The following SRGAP3 variants were observed in gnomAD, a reference collection of about 807,000 sequenced individuals.
The protein encoded by SRGAP3 is SLIT-ROBO Rho GTPase-activating protein 3.
SRGAP3 carries 39 observed loss-of-function variants against 121.1 expected under a neutral mutation model. That is an observed-to-expected ratio of 0.32 (90% CI 0.25 to 0.42). SRGAP3 has a LOEUF of 0.42. SRGAP3 is among the 10% of genes least tolerant of loss of function. The pLI is 1.00. For missense variants in SRGAP3, 1,213 were observed against 1,470.6 expected (o/e 0.82, Z 2.86); for synonymous variants, 601 against 570.0 (o/e 1.05, Z -0.77).
At chr3:9,119,769 A>G (rs1948935300) in intron 2 of SRGAP3, among the ~76,000 whole-genome samples, 1 of 152,240 alleles carries the variant, frequency 6.6e-6, no homozygotes, top group Non-Finnish European at 1.5e-5. Context: ...CGGCTGAAGC[A>G]GGAGGCCCTG....
At chr3:9,084,542 C>T (rs928738963) in intron 3 of SRGAP3, among the ~76,000 whole-genome samples, 4 of 152,152 alleles carry the variant, frequency 2.6e-5, no homozygotes, top group Non-Finnish European at 4.4e-5. Context: ...GGACTGAAGA[C>T]CCACAGCCTG....
intron 1 of SRGAP3, among the ~76,000 whole-genome samples, chr3:9,179,634 A>C (rs1393677584): frequency 6.6e-6 from 1 of 152,230 alleles, no homozygotes; most frequent in Admixed American, 6.5e-5. Flanking sequence ...ACTCTCCTGA[A>C]GGCTTTGCTT....
intron 3 of SRGAP3, among the ~76,000 whole-genome samples, chr3:9,083,018 G>T (rs528990325): frequency 6.6e-6 from 1 of 152,104 alleles, no homozygotes; most frequent in East Asian, 1.9e-4. Flanking sequence ...GAGCTCACTG[G>T]GGACCTTCAA....
chr3:9,319,040 G>T (rs1955398354), intron 3 of SRGAP3, among the ~76,000 whole-genome samples: 1 of 151,730 alleles, frequency 6.6e-6, no homozygotes, highest in African/African-American at 2.4e-5. Flanking sequence ...TGCTTAAAAG[G>T]GGAAAAAATA....
chr3:8,987,567 A>C (rs34680002), intron 21 of SRGAP3, among the ~76,000 whole-genome samples: 18,623 of 152,156 alleles, frequency 0.12, 3,238 homozygotes, highest in African/African-American at 0.38. Flanking sequence ...GCCCTAGGCC[A>C]CATGGCAGGC....
rs141061378 is a variant in SRGAP3 at position 9,168,494 on chromosome 3, C to T, written c.68-43577G>A. Among the ~76,000 whole-genome samples the T allele has an allele frequency of 2.6e-5, 4 of 152,356 alleles. No homozygotes were observed. In the East Asian group the frequency reaches 7.7e-4, roughly 29 times the overall value. On this transcript the variant is annotated intron_variant, in intron 1 of 21. Transcript: ENST00000383836. ...TCACGCATGAGCAGGATGTGCAGTT[C>T]CTGCAGCTGGTTTCAGAATGAATCC...
chr3:9,146,163 T>C (rs188575069), intron 1 of SRGAP3, among the ~76,000 whole-genome samples: 2 of 152,358 alleles, frequency 1.3e-5, no homozygotes, highest in Admixed American at 6.5e-5. Context: ...CTAAGACTTA[T>C]CAATCGAGCT....
chr3:9,094,283 C>T (rs1178811562), intron 3 of SRGAP3, among the ~76,000 whole-genome samples: 6 of 152,160 alleles, frequency 3.9e-5, no homozygotes, highest in Non-Finnish European at 5.9e-5. Flanking sequence ...AAGCTTTATT[C>T]ACATTGATAC....
At chr3:9,020,790 C>T (rs1350522035) in intron 14 of SRGAP3, among the ~76,000 whole-genome samples, 7 of 152,202 alleles carry the variant, frequency 4.6e-5, no homozygotes, top group African/African-American at 1.4e-4. Context: ...CTGTGAATGA[C>T]GGCTTTCTCC....
chr3:9,151,802 G>A (rs571264096), intron 1 of SRGAP3, among the ~76,000 whole-genome samples: 2 of 152,348 alleles, frequency 1.3e-5, no homozygotes, highest in African/African-American at 2.4e-5. Flanking sequence ...GAGAGCCGAA[G>A]TAAGGAAAGG....
intron 3 of SRGAP3, among the ~76,000 whole-genome samples, chr3:9,316,654 CA>C (rs1261597414): frequency 6.6e-6 from 1 of 151,320 alleles, no homozygotes; most frequent in Non-Finnish European, 1.5e-5. Context: ...GACTCCATCT[CA>C]AAAACAAAAA....
At chr3:8,991,311 G>C (rs1482426671) in intron 20 of SRGAP3, among the ~76,000 whole-genome samples, 1 of 152,140 alleles carries the variant, frequency 6.6e-6, no homozygotes, top group Non-Finnish European at 1.5e-5. Flanking sequence ...GGGTCCCCTG[G>C]GAACTGAAGA....
intron 15 of SRGAP3, 80 bp from the exon 16 acceptor site, chr3:9,013,922 A>T: frequency 7.5e-7 from 1 of 1,331,414 alleles, no homozygotes; most frequent in Non-Finnish European, 1.1e-6. Flanking sequence ...CACATCTCCT[A>T]TATCAACCCA....
At chr3:9,043,063 TC>T (rs1194533920) in intron 10 of SRGAP3, among the ~76,000 whole-genome samples, 4 of 151,870 alleles carry the variant, frequency 2.6e-5, no homozygotes, top group Non-Finnish European at 5.9e-5. Flanking sequence ...CTAAAGCAGG[TC>T]CCCCCCATCT....
chr3:9,066,825 G>A (rs1254393058), intron 4 of SRGAP3, among the ~76,000 whole-genome samples: 1 of 152,164 alleles, frequency 6.6e-6, no homozygotes, highest in Non-Finnish European at 1.5e-5. Flanking sequence ...TTAAATCACA[G>A]CATTGATTCA....
Position 9,208,190 on chromosome 3 carries a change from G to A in SRGAP3, c.67+40695C>T, listed in dbSNP as rs895800425. ...TATGTCCACCCTTTCCCAGACCCCC[G>A]AGATGTTTATGGGTTTTGACCATAT... On this transcript the variant is annotated intron_variant, in intron 1 of 21. Coordinates refer to ENST00000383836, the MANE Select transcript of SRGAP3 (RefSeq NM_014850.4). Among the ~76,000 whole-genome samples, 10 of 152,148 alleles carry A rather than the reference G, an allele frequency of 6.6e-5. No homozygotes were observed. In the East Asian group the frequency reaches 1.2e-3, roughly 18 times the overall value.
At position 9,137,953 on chromosome 3, in the gene SRGAP3, A is replaced by T. The variant is rs375165045; in HGVS notation, c.68-13036T>A. 2.6e-5 allele frequency among the ~76,000 whole-genome samples: 4 copies of T among 152,234 alleles called. No individual in the cohort carries two copies. In the East Asian group the frequency reaches 5.8e-4, roughly 22 times the overall value. On this transcript the variant is annotated intron_variant, in intron 1 of 21. Transcript: ENST00000383836. Reference sequence around the variant, plus strand: ...TGATCAATTTCAACACGAGATTAATATTCACGGTTTTGCTGCCCAATGGTC... The same window carrying T: ...TGATCAATTTCAACACGAGATTAATTTTCACGGTTTTGCTGCCCAATGGTC...
rs577710097 is a variant in SRGAP3 at position 9,340,859 on chromosome 3, A to T, written n.215-10263T>A. ...GAGACAATGGGGCCACTAAAAGAAAATCACCGTGAATGAAGGAGTCTGGCA... is the reference window on the plus strand; with the variant it reads ...GAGACAATGGGGCCACTAAAAGAAATTCACCGTGAATGAAGGAGTCTGGCA... On this transcript the variant is annotated intron_variant and non_coding_transcript_variant, in intron 1 of 3. Transcript: ENST00000490889. Among the ~76,000 whole-genome samples the T allele has an allele frequency of 3.3e-5, 5 of 152,308 alleles. No homozygotes were observed. The East Asian group carries it at 9.6e-4, about 29-fold the overall frequency.
At chr3:9,349,452 A>G (rs191222518) in intron 1 of SRGAP3, among the ~76,000 whole-genome samples, 1 of 152,348 alleles carries the variant, frequency 6.6e-6, no homozygotes, top group Admixed American at 6.5e-5. Context: ...TGTCCAACAG[A>G]GTTTAAAGGT....
Sources: allele counts gnomAD v4.1 joint callset (sites outside exome capture counted in the v4.1 genomes callset), GRCh38; gene constraint gnomAD v4.1.1; transcripts MANE v1.5; gene names NCBI Gene and HGNC (gene_info 2026-07-23, HGNC 2026-07-21).